The following WNK1 variants were observed in gnomAD, a reference collection of about 807,000 sequenced individuals.
The protein encoded by WNK1 is serine/threonine-protein kinase WNK1.
In WNK1, 38 loss-of-function variants were observed where a neutral mutation model predicts 222.8. That is an observed-to-expected ratio of 0.17 (90% confidence interval 0.13 to 0.22). WNK1 has a LOEUF of 0.22. WNK1 is among the 10% of genes least tolerant of loss of function. The probability of loss-of-function intolerance (pLI) is 1.00; values close to 1 mark genes in which losing one functional copy is unlikely to be tolerated. For missense variants in WNK1, 2,348 were observed against 2,918.4 expected (o/e 0.80, Z 4.50); for synonymous variants, 1,090 against 1,092.9 (o/e 1.00, Z 0.05).
chr12:825,900 T>G (rs1243961523), intron 2 of WNK1, among the ~76,000 whole-genome samples: 3 of 152,236 alleles, frequency 2.0e-5, no homozygotes, highest in African/African-American at 7.2e-5. Flanking sequence ...CCTGAATATT[T>G]CCAGATAAAA....
At chr12:816,804 A>G (rs1335034626) in intron 2 of WNK1, among the ~76,000 whole-genome samples, 2 of 152,198 alleles carry the variant, frequency 1.3e-5, no homozygotes, top group African/African-American at 4.8e-5. Flanking sequence ...AAATCACACC[A>G]ATGAAGGTGA....
At chr12:878,058 T>C (rs541290315) in intron 9 of WNK1, 154 bp from the exon 10 acceptor site, 3 of 932,804 alleles carry the variant, frequency 3.2e-6, no homozygotes, top group South Asian at 1.5e-5. Flanking sequence ...AAAACAAATA[T>C]ATAATGGAAA....
In WNK1 at chr12:754,167, A is replaced by G. The variant is rs1247992569; in HGVS notation, c.602A>G (p.Gln201Arg). Reference protein sequence around the residue: ...KEPQEERSQQQDDIEELETKA... With the variant: ...KEPQEERSQQRDDIEELETKA... ...CCACAGGAGGAACGGAGCCAGCAGCAGGATGATATCGAAGAGCTGGAGACC... is the reference window on the plus strand; with the variant it reads ...CCACAGGAGGAACGGAGCCAGCAGCGGGATGATATCGAAGAGCTGGAGACC... Residue 201 changes from glutamine (Q) to arginine (R), a missense_variant, in exon 1 of 28, where the codon CAG becomes CGG. Gln to Arg is a conservative substitution (Grantham distance 43). Around this residue, in one of 13 missense-constraint regions of WNK1, gnomAD observed 185 missense variants for 159.2 expected, o/e 1.16. Transcript: ENST00000315939. 1 of 1,613,390 alleles carries G rather than the reference A, an allele frequency of 6.2e-7. No individual in the cohort carries two copies. The highest frequency in any genetic ancestry group is 8.5e-7 in the Non-Finnish European group (1 of 1,180,042).
intron 23 of WNK1, 51 bp downstream of exon 23, chr12:894,686 C>A (rs764064502): frequency 7.8e-6 from 12 of 1,541,468 alleles, no homozygotes; most frequent in Admixed American, 6.7e-5. Flanking sequence ...GAGGAGTTGT[C>A]TATATAATAA....
rs1036598504 is a variant in WNK1 at position 761,124 on chromosome 12, A to G, written c.759+6800A>G. On this transcript the variant is annotated intron_variant, in intron 1 of 27. Transcript: ENST00000315939. ...AAAAGATTGGTTATTTGTGATTTTT[A>G]CATAAGAGGAAAAGCATCAGTAAGC... Among the ~76,000 whole-genome samples, 7 of 147,094 alleles carry G rather than the reference A, an allele frequency of 4.8e-5. 1 individual carries two copies. The highest frequency in any genetic ancestry group is 9.1e-5 in the Non-Finnish European group (6 of 65,896).
In WNK1 at chr12:908,534, G is replaced by A. The variant is rs201600155; in HGVS notation, c.6891G>A (p.Ser2297=). Residue 2297 remains serine, a synonymous_variant, in exon 28 of 28, where the codon TCG becomes TCA. Transcript: ENST00000315939. ...APGQLCISMT[S]NLGGSAPISA... ...GGCAACTGTGCATCTCCATGACCTC[G>A]AACCTGGGTGGCTCTGCCCCCATCT... The A allele has an allele frequency of 2.9e-4, 475 of 1,614,154 alleles. 7 individuals are homozygous for A. The South Asian group carries it at 4.9e-3, about 17-fold the overall frequency.
chr12:818,806 T>TC (rs1414787582), intron 2 of WNK1, among the ~76,000 whole-genome samples: 1 of 152,248 alleles, frequency 6.6e-6, no homozygotes, highest in African/African-American at 2.4e-5. Flanking sequence ...CAGTACTTCA[T>TC]CCCCTTTTAT....
At chr12:892,061 ATCT>A (rs900295219) in intron 22 of WNK1, among the ~76,000 whole-genome samples, 8 of 138,218 alleles carry the variant, frequency 5.8e-5, no homozygotes, top group Non-Finnish European at 1.3e-4. Context: ...TGGCTTGGAA[ATCT>A]TTTTTTTTTT....
chr12:908,098 C>CT (rs1955855161), intron 27 of WNK1, 64 bp downstream of exon 27: 1 of 1,574,388 alleles, frequency 6.4e-7, no homozygotes, highest in East Asian at 2.2e-5. Context: ...ATAGAAACAA[C>CT]TAAGCTGCTG....
chr12:828,379 T>A (rs1446635755), intron 3 of WNK1, among the ~76,000 whole-genome samples: 1 of 152,168 alleles, frequency 6.6e-6, no homozygotes, highest in African/African-American at 2.4e-5. Flanking sequence ...TTCTGAAAAG[T>A]TGGTTTTATC....
chr12:813,299 A>G (rs1436653895), intron 1 of WNK1, among the ~76,000 whole-genome samples: 4 of 152,250 alleles, frequency 2.6e-5, no homozygotes, highest in Non-Finnish European at 4.4e-5. Context: ...ATCAAGGCAA[A>G]GATAGAACTG....
Position 899,190 on chromosome 12 carries a change from G to T in WNK1, c.6449-1286G>T, listed in dbSNP as rs145640290. Among the ~76,000 whole-genome samples the T allele has an allele frequency of 1.4e-4, 21 of 152,352 alleles. 1 individual carries two copies. The highest frequency in any genetic ancestry group is 4.8e-4 in the African/African-American group (20 of 41,580). The stretch of plus-strand genomic sequence containing the variant: ...TCTTAGCAGTTCCATTCTCTGGAAA[G>T]GTTCACAGATATCCAAATGTAGCAC... On this transcript the variant is annotated intron_variant, in intron 25 of 27. Transcript: ENST00000315939.
chr12:852,633 T>C (rs924779469), intron 4 of WNK1, among the ~76,000 whole-genome samples: 2 of 152,192 alleles, frequency 1.3e-5, no homozygotes, highest in African/African-American at 4.8e-5. Flanking sequence ...TTTTTCTTCT[T>C]TTATCATGAA....
intron 4 of WNK1, among the ~76,000 whole-genome samples, chr12:843,350 T>C (rs985850363): frequency 1.3e-5 from 2 of 152,210 alleles, no homozygotes; most frequent in Admixed American, 1.3e-4. Flanking sequence ...TACCGTATTA[T>C]AAATTAAAAT....
Position 771,292 on chromosome 12 carries a change from C to T in WNK1, c.759+16968C>T, listed in dbSNP as rs375236408. On this transcript the variant is annotated intron_variant, in intron 1 of 27. Transcript: ENST00000315939. ...GATGACAGGTGTGAGCTACTATGCCCGGCGCTTTATATTCTTTAGTAATTT... is the reference window on the plus strand; with the variant it reads ...GATGACAGGTGTGAGCTACTATGCCTGGCGCTTTATATTCTTTAGTAATTT... 1.4e-3 allele frequency among the ~76,000 whole-genome samples: 219 copies of T among 152,138 alleles called. 3 individuals are homozygous for T. In the South Asian group the frequency reaches 0.035, roughly 25 times the overall value.
At chr12:890,173 G>A (rs543082271) in intron 21 of WNK1, among the ~76,000 whole-genome samples, 1 of 151,910 alleles carries the variant, frequency 6.6e-6, no homozygotes, top group African/African-American at 2.4e-5. Context: ...GGCCGGTCTC[G>A]AACTCCTGAC....
At chr12:759,537 G>A (rs1940712854) in intron 1 of WNK1, among the ~76,000 whole-genome samples, 1 of 147,310 alleles carries the variant, frequency 6.8e-6, no homozygotes, top group Non-Finnish European at 1.5e-5. Flanking sequence ...CACCATGTTG[G>A]CCAGGCTGGT....
At position 828,384 on chromosome 12, in the gene WNK1, T is replaced by G. The variant is rs182014159; in HGVS notation, c.1153+1122T>G. Among the ~76,000 whole-genome samples, 294 of 152,262 alleles carry G rather than the reference T, an allele frequency of 1.9e-3. 3 individuals are homozygous for G. The highest frequency in any genetic ancestry group is 7.0e-3 in the African/African-American group (290 of 41,562). On this transcript the variant is annotated intron_variant, in intron 3 of 27. Transcript: ENST00000315939. ...TGACAATTCATTCTGAAAAGTTGGT[T>G]TTATCAACTTTTTTCTTAGTCTCAC...
At chr12:863,713 CAGTATTCT>C (rs1565539489) in intron 8 of WNK1, among the ~76,000 whole-genome samples, 1 of 152,000 alleles carries the variant, frequency 6.6e-6, no homozygotes, top group Non-Finnish European at 1.5e-5. Flanking sequence ...TTTTTAATGA[CAGTATTCT>C]ATGGAGGTAT....
Sources: allele counts gnomAD v4.1 joint callset (sites outside exome capture counted in the v4.1 genomes callset), GRCh38; gene constraint gnomAD v4.1.1; regional missense constraint gnomAD v4.1.1; transcripts MANE v1.5; gene names NCBI Gene and HGNC (gene_info 2026-07-23, HGNC 2026-07-21).